The following PREP variants were observed in gnomAD, a reference collection of about 807,000 sequenced individuals.
PREP encodes prolyl endopeptidase.
PREP carries 29 observed loss-of-function variants against 87.6 expected under a neutral mutation model. That is an observed-to-expected ratio of 0.33 (90% CI 0.25 to 0.45). The LOEUF (loss-of-function observed/expected upper bound fraction) is 0.45. Ranked by LOEUF, PREP falls within the 20% of genes least tolerant of loss-of-function variation. The pLI, the probability that PREP is intolerant of heterozygous loss-of-function variation, is 1.00. For missense variants in PREP, 695 were observed against 886.5 expected (o/e 0.78, Z 2.74); for synonymous variants, 337 against 328.6 (o/e 1.03, Z -0.28).
At chr6:105,363,905 A>T (rs775415942) in intron 6 of PREP, among the ~76,000 whole-genome samples, 1 of 152,202 alleles carries the variant, frequency 6.6e-6, no homozygotes, top group African/African-American at 2.4e-5. Context: ...ACAGCAAAGT[A>T]CAGAGTTTCC....
chr6:105,294,283 C>T (rs1413904814), intron 10 of PREP, among the ~76,000 whole-genome samples: 1 of 152,240 alleles, frequency 6.6e-6, no homozygotes, highest in Non-Finnish European at 1.5e-5. Flanking sequence ...CCTACATACT[C>T]TGTGGCAGGT....
chr6:105,282,418 T>C, intron 13 of PREP, 33 bp downstream of exon 13: 2 of 1,600,192 alleles, frequency 1.2e-6, no homozygotes, highest in Non-Finnish European at 1.7e-6. Flanking sequence ...GAGGGCTAAC[T>C]AGTAAGTGCA....
intron 6 of PREP, among the ~76,000 whole-genome samples, chr6:105,364,418 A>G (rs1377227938): frequency 6.6e-6 from 1 of 152,212 alleles, no homozygotes; most frequent in African/African-American, 2.4e-5. Context: ...ATCTGTGAAG[A>G]AGGAAGATGA....
intron 8 of PREP, among the ~76,000 whole-genome samples, chr6:105,330,241 C>T (rs1022289619): frequency 2.0e-5 from 3 of 152,132 alleles, no homozygotes; most frequent in Admixed American, 2.0e-4. Flanking sequence ...ATGCACGTGT[C>T]TAACAGCTGA....
chr6:105,383,292 C>T (rs1346239876), intron 2 of PREP, among the ~76,000 whole-genome samples: 1 of 149,846 alleles, frequency 6.7e-6, no homozygotes, highest in East Asian at 1.9e-4. Context: ...TTTTCCAGGA[C>T]TTACTCAATA....
intron 6 of PREP, among the ~76,000 whole-genome samples, chr6:105,360,098 A>C (rs976466781): frequency 7.9e-5 from 12 of 152,182 alleles, no homozygotes; most frequent in Admixed American, 2.0e-4. Flanking sequence ...GGCCCAACAA[A>C]CAGTTCACTT....
At chr6:105,350,665 T>A (rs1447660535) in intron 7 of PREP, among the ~76,000 whole-genome samples, 2 of 152,194 alleles carry the variant, frequency 1.3e-5, no homozygotes, top group Non-Finnish European at 2.9e-5. Flanking sequence ...ACAAGAGTTC[T>A]CTAACCCTGT....
chr6:105,316,552 G>A (rs536993754), intron 10 of PREP, among the ~76,000 whole-genome samples: 3 of 152,302 alleles, frequency 2.0e-5, no homozygotes, highest in African/African-American at 7.2e-5. Flanking sequence ...TTCAACACAA[G>A]GTTGCTTCAA....
intron 10 of PREP, among the ~76,000 whole-genome samples, chr6:105,316,346 A>G (rs1029726889): frequency 6.6e-6 from 1 of 152,218 alleles, no homozygotes; most frequent in Admixed American, 6.5e-5. Flanking sequence ...GAGCAGTCAG[A>G]ACACACACAG....
In PREP at chr6:105,335,469, A is replaced by G. The variant is rs188433105; in HGVS notation, c.824-1964T>C. On this transcript the variant is annotated intron_variant, in intron 7 of 14. Transcript: ENST00000652536. ...AACAGGGAAATAAATTCCACCATAG[A>G]GTTCTGTGGTCATATATGTTTGGAT... is the stretch of plus-strand genomic sequence containing the variant. 2.3e-3 allele frequency among the ~76,000 whole-genome samples: 348 copies of G among 152,322 alleles called. 3 individuals carry two copies. Among genetic ancestry groups the G allele is most frequent in the African/African-American group, 7.8e-3 (325 of 41,560 alleles).
chr6:105,323,829 G>C (rs1414008411), intron 9 of PREP, 61 bp from the exon 10 acceptor site: 15 of 1,400,242 alleles, frequency 1.1e-5, no homozygotes, highest in Non-Finnish European at 1.3e-5. Context: ...AAGGGGGCAA[G>C]GATCACAAAC....
chr6:105,348,535 G>A (rs1349426144), intron 7 of PREP, among the ~76,000 whole-genome samples: 1 of 152,134 alleles, frequency 6.6e-6, no homozygotes, highest in Non-Finnish European at 1.5e-5. Context: ...ATGGAAATCA[G>A]AATGGGGGAA....
intron 7 of PREP, among the ~76,000 whole-genome samples, chr6:105,344,630 T>G (rs1362924790): frequency 1.5e-4 from 22 of 148,894 alleles, no homozygotes; most frequent in African/African-American, 4.7e-4. Context: ...AACTGAACAA[T>G]GAGAACACTT....
intron 9 of PREP, among the ~76,000 whole-genome samples, 194 bp from the exon 10 acceptor site, chr6:105,323,962 T>C (rs1771083463): frequency 6.6e-6 from 1 of 152,206 alleles, no homozygotes; most frequent in South Asian, 2.1e-4. Flanking sequence ...AGGGGTGCTA[T>C]GTAAGTGTTC....
chr6:105,387,615 AAAAAAG>A lies in PREP; in HGVS notation c.121-10102_121-10097del, dbSNP rs1044561521. On this transcript the variant is annotated intron_variant, in intron 2 of 14. Transcript: ENST00000652536. Reference sequence around the variant, plus strand: ...AATGATAGCTGATGAGCTAAAAAAAAAAAAAGAAAAAAAGAAAAAAAGAAAAAGAAA... The same window carrying A: ...AATGATAGCTGATGAGCTAAAAAAAAAAAAAAAGAAAAAAAGAAAAAGAAA... 2.8e-4 allele frequency among the ~76,000 whole-genome samples: 17 copies of A among 61,656 alleles called. No homozygotes were observed. In the African/African-American group the frequency reaches 2.8e-3, roughly 10 times the overall value. 40.4% of individuals were successfully genotyped at this position (61,656 alleles called of 152,430 possible).
chr6:105,312,383 T>C (rs1349479954), intron 10 of PREP, among the ~76,000 whole-genome samples: 1 of 152,224 alleles, frequency 6.6e-6, no homozygotes, highest in Non-Finnish European at 1.5e-5. Context: ...TGGGCTGCAT[T>C]TGTCAATTCA....
intron 4 of PREP, among the ~76,000 whole-genome samples, chr6:105,375,106 C>T (rs996419718): frequency 3.9e-5 from 6 of 152,020 alleles, no homozygotes; most frequent in Non-Finnish European, 7.4e-5. Flanking sequence ...GTCTTATTTT[C>T]GATACTGGTT....
intron 10 of PREP, among the ~76,000 whole-genome samples, chr6:105,313,766 G>A (rs1770806186): frequency 6.6e-6 from 1 of 152,258 alleles, no homozygotes; most frequent in African/African-American, 2.4e-5. Context: ...TTCTGAATTT[G>A]AGTTAGAAGG....
chr6:105,316,418 G>A (rs1032764617), intron 10 of PREP, among the ~76,000 whole-genome samples: 1 of 152,166 alleles, frequency 6.6e-6, no homozygotes, highest in African/African-American at 2.4e-5. Context: ...GAACAATGAC[G>A]ATCGTCACAT....
Sources: allele counts gnomAD v4.1 joint callset (sites outside exome capture counted in the v4.1 genomes callset), GRCh38; gene constraint gnomAD v4.1.1; transcripts MANE v1.5; gene names NCBI Gene and HGNC (gene_info 2026-07-23, HGNC 2026-07-21).